Variants in LRBA observed in about 807,000 individuals in gnomAD.
The protein encoded by LRBA is lipopolysaccharide-responsive and beige-like anchor protein.
In LRBA, 176 loss-of-function variants were observed where a neutral mutation model predicts 330.0. That is an observed-to-expected ratio of 0.53 (90% CI 0.47 to 0.60). The LOEUF (loss-of-function observed/expected upper bound fraction) is 0.60. Ranked by LOEUF, LRBA falls within the 20% of genes least tolerant of loss-of-function variation. The pLI is 0.00. For missense variants in LRBA, 3,259 were observed against 3,444.8 expected, an observed-to-expected ratio of 0.95 and a Z score of 1.35; for synonymous variants, 1,230 against 1,193.0, an observed-to-expected ratio of 1.03 and a Z score of -0.64.
intron 2 of LRBA, among the ~76,000 whole-genome samples, chr4:150,999,099 G>T (rs1355023995): frequency 2.6e-5 from 4 of 152,168 alleles, no homozygotes; most frequent in Non-Finnish European, 4.4e-5. Flanking sequence ...AACTGAGCTT[G>T]AGTTTGCAAA....
chr4:150,574,267 A>T lies in LRBA; in HGVS notation c.6330+13781T>A, dbSNP rs569395972. Among the ~76,000 whole-genome samples, 3 of 152,156 alleles carry T rather than the reference A, an allele frequency of 2.0e-5. No individual in the cohort carries two copies. The South Asian group carries it at 6.2e-4, about 32-fold the overall frequency. ...TATATTTTGTAAATTTTTTCCATAA[A>T]TCTAAAATATCTATAAGCTTATTCT... On this transcript the variant is annotated intron_variant, in intron 40 of 56. Transcript: ENST00000651943.
At chr4:150,989,661 A>C (rs1741853272) in intron 2 of LRBA, among the ~76,000 whole-genome samples, 1 of 152,180 alleles carries the variant, frequency 6.6e-6, no homozygotes, top group Admixed American at 6.5e-5. Context: ...TACATAAAAG[A>C]AAATTAAGAA....
intron 37 of LRBA, among the ~76,000 whole-genome samples, chr4:150,666,255 G>A (rs754339756): frequency 2.0e-5 from 3 of 152,014 alleles, no homozygotes; most frequent in Non-Finnish European, 1.5e-5. Context: ...AAAATAGGTC[G>A]GGTGCCATGG....
chr4:150,905,719 T>A (rs182865848), intron 13 of LRBA, 119 bp downstream of exon 13: 295 of 819,058 alleles, frequency 3.6e-4, no homozygotes, highest in Admixed American at 1.0e-3. Flanking sequence ...AAAAAAGCAA[T>A]CCACTGAAGT....
intron 40 of LRBA, among the ~76,000 whole-genome samples, chr4:150,559,671 A>C (rs1767869848): frequency 1.2e-5 from 1 of 85,366 alleles, no homozygotes. Context: ...TAATATATAT[A>C]TTATATAATA....
At chr4:150,274,673 G>T (rs532499891) in intron 56 of LRBA, among the ~76,000 whole-genome samples, 1 of 152,130 alleles carries the variant, frequency 6.6e-6, no homozygotes, top group East Asian at 1.9e-4. Context: ...ACACCTCTAC[G>T]CAAATAAACT....
At chr4:150,395,435 T>C (rs975957077) in intron 47 of LRBA, among the ~76,000 whole-genome samples, 7 of 152,152 alleles carry the variant, frequency 4.6e-5, no homozygotes, top group Non-Finnish European at 2.9e-5. Flanking sequence ...CTCTGTCCTC[T>C]CTGTCATTGT....
chr4:150,770,660 T>C lies in LRBA; in HGVS notation c.5581-8813A>G, dbSNP rs145330657. 1.2e-3 allele frequency among the ~76,000 whole-genome samples: 180 copies of C among 152,096 alleles called. 2 individuals are homozygous for C. The highest frequency in any genetic ancestry group is 6.6e-4 in the Non-Finnish European group (45 of 67,972). ...AAAGAAATGTAACAATTACATTTCT[T>C]GTTCTGTAAATGGTCATGTGATCAC... On this transcript the variant is annotated intron_variant, in intron 34 of 56. Coordinates refer to ENST00000651943, the MANE Select transcript of LRBA (RefSeq NM_001364905.1).
chr4:150,439,320 T>A lies in LRBA; in HGVS notation c.6781-2456A>T, dbSNP rs979760718. 7.4e-5 allele frequency among the ~76,000 whole-genome samples: 11 copies of A among 148,490 alleles called. No individual in the cohort carries two copies. In the South Asian group the frequency reaches 1.3e-3, roughly 17 times the overall value. Reference sequence around the variant, plus strand: ...AATATAATGCTAAAACCAATTAGGATTGATTTCACTAGCATCTGAAAAAAA... The same window carrying A: ...AATATAATGCTAAAACCAATTAGGAATGATTTCACTAGCATCTGAAAAAAA... On this transcript the variant is annotated intron_variant, in intron 44 of 56. Transcript: ENST00000651943.
intron 22 of LRBA, among the ~76,000 whole-genome samples, chr4:150,860,259 C>T (rs1751726053): frequency 1.3e-5 from 2 of 152,138 alleles, no homozygotes; most frequent in Non-Finnish European, 2.9e-5. Context: ...TAAGAACCAA[C>T]TTACAACTTT....
At chr4:150,958,180 C>T (rs916800653) in intron 2 of LRBA, among the ~76,000 whole-genome samples, 2 of 149,066 alleles carry the variant, frequency 1.3e-5, no homozygotes, top group Non-Finnish European at 2.9e-5. Flanking sequence ...TCCACCCCTG[C>T]AGCACACCTC....
chr4:150,987,680 T>C (rs1579414110), intron 2 of LRBA, among the ~76,000 whole-genome samples: 1 of 151,176 alleles, frequency 6.6e-6, no homozygotes, highest in East Asian at 1.9e-4. Flanking sequence ...CACTCCAGCC[T>C]GGGCGACAGA....
chr4:150,549,309 CTTTAT>C (rs146271128), intron 40 of LRBA, among the ~76,000 whole-genome samples: 11,900 of 150,930 alleles, frequency 0.079, 596 homozygotes, highest in East Asian at 0.18. Context: ...ATAATTGTTG[CTTTAT>C]TTTATTTTAT....
At chr4:150,541,458 T>C (rs1765311064) in intron 40 of LRBA, among the ~76,000 whole-genome samples, 1 of 152,206 alleles carries the variant, frequency 6.6e-6, no homozygotes, top group Non-Finnish European at 1.5e-5. Context: ...CTGAAACTAC[T>C]GCCATCCAAA....
intron 44 of LRBA, among the ~76,000 whole-genome samples, chr4:150,464,659 T>C (rs1252104500): frequency 6.6e-6 from 1 of 152,094 alleles, no homozygotes; most frequent in Non-Finnish European, 1.5e-5. Flanking sequence ...GTTGGACTCC[T>C]TCATACGTTT....
chr4:150,486,694 T>C (rs1036330796), intron 42 of LRBA, among the ~76,000 whole-genome samples: 1 of 151,848 alleles, frequency 6.6e-6, no homozygotes, highest in Non-Finnish European at 1.5e-5. Context: ...GAAAACAATA[T>C]GCTGTTACTA....
intron 22 of LRBA, among the ~76,000 whole-genome samples, chr4:150,860,812 T>C (rs1265833752): frequency 1.3e-5 from 2 of 150,474 alleles, no homozygotes. Context: ...CGAGACTCCG[T>C]CTCAAAAAAA....
intron 40 of LRBA, among the ~76,000 whole-genome samples, chr4:150,534,385 T>A (rs181483039): frequency 1.3e-3 from 196 of 149,034 alleles, no homozygotes; most frequent in African/African-American, 3.3e-3. Context: ...TAATTTTTTT[T>A]AAAAAAACAC....
At chr4:150,410,433 T>C (rs1395618136) in intron 47 of LRBA, among the ~76,000 whole-genome samples, 2 of 152,208 alleles carry the variant, frequency 1.3e-5, no homozygotes, top group Admixed American at 6.5e-5. Flanking sequence ...GGAAAGCAGA[T>C]AGTATATTCA....
Sources: allele counts gnomAD v4.1 joint callset (sites outside exome capture counted in the v4.1 genomes callset), GRCh38; gene constraint gnomAD v4.1.1; transcripts MANE v1.5; gene names NCBI Gene and HGNC (gene_info 2026-07-23, HGNC 2026-07-21).